STUB1: variants seen among roughly 807,000 people sequenced by gnomAD.
STUB1 encodes the protein E3 ubiquitin-protein ligase CHIP.
A neutral mutation model predicts 40.3 loss-of-function variants in STUB1; 37 were observed. The ratio of observed to expected loss-of-function variants is 0.92; its 90% CI spans 0.71 to 1.21. The LOEUF (loss-of-function observed/expected upper bound fraction) is 1.21, where lower values mean the gene tolerates loss of function less well. STUB1 is among the 50% of genes most tolerant of loss of function. The pLI is 0.00. For synonymous variants in STUB1, 246 were observed against 171.9 expected (o/e 1.43, Z -3.37); for missense variants, 460 against 421.9 (o/e 1.09, Z -0.79).
At chr16:681,730 G>C (rs1271278618) in intron 3 of STUB1, 63 bp from the exon 4 acceptor site, 1 of 1,554,154 alleles carries the variant, frequency 6.4e-7, no homozygotes, top group African/African-American at 1.4e-5. Flanking sequence ...TTAGCTCTGA[G>C]ATTGGGGTGT....
chr16:682,266 C>A lies in STUB1; in HGVS notation c.771C>A (p.Ile257=). 3 of 1,602,634 alleles carry A rather than the reference C, an allele frequency of 1.9e-6. No homozygotes were observed. The highest frequency in any genetic ancestry group is 2.5e-6 in the Non-Finnish European group (3 of 1,178,260). ...PSGITYDRKD[I]EEHLQRVGHF... is the part of the protein sequence containing the mutation. ...GCATCACCTACGACCGCAAGGACAT[C>A]GAGGAGCACCTGCAGGTGAGGCCTG... Residue 257 remains isoleucine, a synonymous_variant, in exon 6 of 7, where the codon ATC becomes ATA. Coordinates refer to ENST00000219548, the MANE Select transcript of STUB1 (RefSeq NM_005861.4).
intron 1 of STUB1, 136 bp from the exon 2 acceptor site, chr16:681,016 G>A (rs1310566707): frequency 3.3e-6 from 3 of 898,892 alleles, no homozygotes; most frequent in Admixed American, 2.7e-5. Context: ...ACAGATCCTT[G>A]GACCCAGGGG....
chr16:680,815 T>C lies in STUB1; in HGVS notation c.159+131T>C. 1.1e-6 allele frequency: 1 copy of C among 937,956 alleles called. No individual in the cohort carries two copies. Among genetic ancestry groups the C allele is most frequent in the Non-Finnish European group, 1.4e-6 (1 of 734,832 alleles). The allele number at this position is 937,956 out of a possible 1,614,324, so 58.1% of individuals were successfully genotyped here. On this transcript the variant is annotated intron_variant, in intron 1 of 6. Coordinates refer to ENST00000219548, the MANE Select transcript of STUB1 (RefSeq NM_005861.4). The surrounding 1 kb of genome is among the most constrained non-coding windows in gnomAD (Gnocchi z 4.9). The stretch of plus-strand genomic sequence containing the variant: ...TCGGCTCCCAAAGCCCAGCCGTGGT[T>C]CTCGAGCCCAGCGCCGGGTGCCGGA...
In STUB1 at chr16:682,638, T is replaced by C; in HGVS notation, c.*149T>C. On this transcript the variant is annotated 3_prime_UTR_variant, in exon 7 of 7. Transcript: ENST00000219548. The stretch of plus-strand genomic sequence containing the variant: ...GGACTGTTTCCCCTCTCAGCATCGC[T>C]TTTGCTGGGCCGTGATCGTCCCCCT... 1 of 1,430,980 alleles carries C rather than the reference T, an allele frequency of 7.0e-7. No homozygotes were observed. Among genetic ancestry groups the C allele is most frequent in the South Asian group, 1.3e-5 (1 of 76,404 alleles). 88.6% of individuals were successfully genotyped at this position (1,430,980 alleles called of 1,614,324 possible). A position where few individuals can be genotyped will look rare whatever the true frequency, so the allele number is the denominator to read the frequency against.
In STUB1 at chr16:682,737, G is replaced by GT; in HGVS notation, c.*249dup. 1.3e-6 allele frequency: 2 copies of GT among 1,578,906 alleles called. No individual in the cohort carries two copies. Among genetic ancestry groups the GT allele is most frequent in the Non-Finnish European group, 1.7e-6 (2 of 1,153,576 alleles). On this transcript the variant is annotated 3_prime_UTR_variant, in exon 7 of 7. Coordinates refer to ENST00000219548, the MANE Select transcript of STUB1 (RefSeq NM_005861.4). ...CGCCACTATCTGTGTAATAAAATCC[G>GT]TGAGCACGAGGTGGGACGTGCTGGT... is the stretch of plus-strand genomic sequence containing the variant.
chr16:680,474 G>A lies in STUB1; in HGVS notation c.-52G>A. On this transcript the variant is annotated 5_prime_UTR_variant, in exon 1 of 7. Transcript: ENST00000219548. The surrounding 1 kb of genome is among the most constrained non-coding windows in gnomAD (Gnocchi z 4.9). ...GCGGGGCTCCGGCTGCGGGCGCTGG[G>A]CCGCGAGGCGCGGAGCTTGGGAGCG... 8.5e-7 allele frequency: 1 copy of A among 1,179,750 alleles called. No homozygotes were observed. The highest frequency in any genetic ancestry group is 1.6e-5 in the African/African-American group (1 of 62,216). The allele number at this position is 1,179,750 out of a possible 1,614,324, so 73.1% of individuals were successfully genotyped here.
Position 682,212 on chromosome 16 carries a change from G to A in STUB1, c.717G>A (p.Leu239=). 5 of 1,612,948 alleles carry A rather than the reference G, an allele frequency of 3.1e-6. No homozygotes were observed. The highest frequency in any genetic ancestry group is 4.2e-6 in the Non-Finnish European group (5 of 1,179,738). ...DYLCGKISFE[L]MREPCITPSG... is the part of the protein sequence containing the mutation. The stretch of plus-strand genomic sequence containing the variant: ...TGTGTGGCAAGATCAGCTTTGAGCT[G>A]ATGCGGGAGCCGTGCATCACGCCCA... Residue 239 remains leucine (L), a synonymous_variant, in exon 6 of 7, where the codon CTG becomes CTA. Transcript: ENST00000219548.
Position 680,519 on chromosome 16 carries a change from C to T in STUB1, c.-7C>T. The T allele has an allele frequency of 8.0e-7, 1 of 1,250,560 alleles. No homozygotes were observed. The highest frequency in any genetic ancestry group is 2.7e-5 in the South Asian group (1 of 37,214). 77.5% of individuals were successfully genotyped at this position (1,250,560 alleles called of 1,614,324 possible). ...GGAGCGGAGCCCAGGCCGTGCCGCG[C>T]GGCGCCATGAAGGGCAAGGAGGAGA... On this transcript the variant is annotated 5_prime_UTR_variant, in exon 1 of 7. Coordinates refer to ENST00000219548, the MANE Select transcript of STUB1 (RefSeq NM_005861.4). This position sits in a 1 kb window ranked among gnomAD's most constrained non-coding sequence, Gnocchi z 4.9.
At chr16:682,107 G>A (rs767494719) in intron 5 of STUB1, 31 bp downstream of exon 5, 1 of 1,582,858 alleles carries the variant, frequency 6.3e-7, no homozygotes, top group Non-Finnish European at 8.6e-7. Context: ...GCCGATGGCT[G>A]GCAGGTGCTC....
chr16:682,192 G>T lies in STUB1; in HGVS notation c.697G>T (p.Gly233Cys). Residue 233 changes from glycine (G) to cysteine (C), a missense_variant, in exon 6 of 7, where the codon GGC becomes TGC. Transcript: ENST00000219548. Reference protein sequence around the residue: ...KKRDIPDYLCGKISFELMREP... With the variant: ...KKRDIPDYLCCKISFELMREP... ...GCGAGACATCCCCGACTACCTGTGT[G>T]GCAAGATCAGCTTTGAGCTGATGCG... The T allele has an allele frequency of 6.2e-7, 1 of 1,610,738 alleles. No homozygotes were observed. The highest frequency in any genetic ancestry group is 1.1e-5 in the South Asian group (1 of 91,048).
chr16:680,751 G>A lies in STUB1; in HGVS notation c.159+67G>A. ...GGGAGGGCCGGGCCCGGGCCCGGCCGGCCCCACCGAGGGTCTGGCTCCTCT... is the reference window on the plus strand; with the variant it reads ...GGGAGGGCCGGGCCCGGGCCCGGCCAGCCCCACCGAGGGTCTGGCTCCTCT... On this transcript the variant is annotated intron_variant, in intron 1 of 6. Coordinates refer to ENST00000219548, the MANE Select transcript of STUB1 (RefSeq NM_005861.4). This position sits in a 1 kb window ranked among gnomAD's most constrained non-coding sequence, Gnocchi z 4.9. 4.3e-6 allele frequency: 5 copies of A among 1,154,122 alleles called. No individual in the cohort carries two copies. The highest frequency in any genetic ancestry group is 5.4e-6 in the Non-Finnish European group (5 of 930,752). The allele number at this position is 1,154,122 out of a possible 1,614,324, so 71.5% of individuals were successfully genotyped here.
rs375727842 is a variant in STUB1, at chr16:680,668, G to A, written c.143G>A (p.Cys48Tyr). The change falls in exon 1 of 7, where the codon TGC becomes TAC. Residue 48 changes from cysteine to tyrosine, a missense_variant. By Grantham distance (194) the Cys-to-Tyr change is radical. Coordinates refer to ENST00000219548, the MANE Select transcript of STUB1 (RefSeq NM_005861.4). The surrounding 1 kb of genome is among the most constrained non-coding windows in gnomAD (Gnocchi z 4.9). ...CGAAAGTACCCGGAGGCGGCGGCCT[G>A]CTACGGCCGCGCGATCGTGAGTGCG... Reference protein sequence around the residue: ...VGRKYPEAAACYGRAITRNPL... With the variant: ...VGRKYPEAAAYYGRAITRNPL... 7.5e-5 allele frequency: 97 copies of A among 1,287,426 alleles called. No individual in the cohort carries two copies. The Middle Eastern group carries it at 2.9e-3, about 39-fold the overall frequency. The allele number at this position is 1,287,426 out of a possible 1,614,324, so 79.8% of individuals were successfully genotyped here. A position where few individuals can be genotyped will look rare whatever the true frequency, so the allele number is the denominator to read the frequency against.
In STUB1 at chr16:681,142, T is replaced by TGGTCCCTAGACCCG; in HGVS notation, c.160-8_165dup. ...CGCCCTCATGCGGCTGGCCCGGCCT[T>TGGTCCCTAGACCCG]GGTCCCTAGACCCGGAACCCGCTGG... On this transcript the variant is annotated splice_polypyrimidine_tract_variant and intron_variant, in intron 1 of 6. Coordinates refer to ENST00000219548, the MANE Select transcript of STUB1 (RefSeq NM_005861.4). 6.4e-7 allele frequency: 1 copy of TGGTCCCTAGACCCG among 1,550,394 alleles called. No homozygotes were observed. The highest frequency in any genetic ancestry group is 8.7e-7 in the Non-Finnish European group (1 of 1,146,836).
chr16:682,109 C>T, intron 5 of STUB1, 33 bp downstream of exon 5: 1 of 1,582,410 alleles, frequency 6.3e-7, no homozygotes. Flanking sequence ...CGATGGCTGG[C>T]AGGTGCTCGT....
rs1017204634 is a variant in STUB1, at chr16:681,570, A to C, written c.491A>C (p.Tyr164Ser). Residue 164 changes from tyrosine to serine, a missense_variant, in exon 3 of 7, where the codon TAC becomes TCC. Physicochemically the swap from Tyr to Ser is moderately radical, Grantham distance 144. Transcript: ENST00000219548. Reference protein sequence around the residue: ...RIHQESELHSYLSRLIAAERE... With the variant: ...RIHQESELHSSLSRLIAAERE... ...CACCAGGAGAGCGAGCTGCACTCCT[A>C]CCTCTCCAGGCTCATTGCCGCGGAG... 1.2e-6 allele frequency: 2 copies of C among 1,611,124 alleles called. No homozygotes were observed. Among genetic ancestry groups the C allele is most frequent in the African/African-American group, 1.3e-5 (1 of 74,894 alleles).
chr16:681,986 G>A (rs983222569), intron 4 of STUB1, 34 bp from the exon 5 acceptor site: 2 of 1,612,196 alleles, frequency 1.2e-6, no homozygotes, highest in African/African-American at 2.7e-5. Flanking sequence ...GAGGTGGGGT[G>A]TCTCCCCCAA....
In STUB1 at chr16:680,966, T is replaced by G; in HGVS notation, c.160-186T>G. On this transcript the variant is annotated intron_variant, in intron 1 of 6. Transcript: ENST00000219548. The surrounding 1 kb of genome is among the most constrained non-coding windows in gnomAD (Gnocchi z 4.9). ...ATTTGGAAAACTTTACAAAACCAAG[T>G]GGAATCAAGCGGATAGGCTCAGCCA... The G allele has an allele frequency of 1.4e-6, 1 of 711,142 alleles. No individual in the cohort carries two copies. Among genetic ancestry groups the G allele is most frequent in the South Asian group, 2.0e-5 (1 of 49,940 alleles). 44.1% of individuals were successfully genotyped at this position (711,142 alleles called of 1,614,324 possible).
Position 681,457 on chromosome 16 carries a change from G to C in STUB1, c.378G>C (p.Glu126Asp), listed in dbSNP as rs759321996. The change falls in exon 3 of 7, where the codon GAG (glutamate) becomes GAC (aspartate). Residue 126 changes from glutamate to aspartate, a missense_variant. Coordinates refer to ENST00000219548, the MANE Select transcript of STUB1 (RefSeq NM_005861.4). ...CCCCAGCTTACAGCCTGGCCAAGGA[G>C]CAGCGGCTGAACTTCGGGGACGACA... ...NLQRAYSLAK[E>D]QRLNFGDDIP... 6.2e-7 allele frequency: 1 copy of C among 1,612,450 alleles called. No individual in the cohort carries two copies. Among genetic ancestry groups the C allele is most frequent in the African/African-American group, 1.3e-5 (1 of 74,952 alleles).
In STUB1 at chr16:682,797, G is replaced by T. The variant is rs947927712; in HGVS notation, c.*308G>T. 3 of 1,612,854 alleles carry T rather than the reference G, an allele frequency of 1.9e-6. No individual in the cohort carries two copies. In the South Asian group the frequency reaches 3.3e-5, roughly 18 times the overall value. On this transcript the variant is annotated 3_prime_UTR_variant, in exon 7 of 7. Transcript: ENST00000219548. ...GCAGTCCTGCCAGCTGTTTTGGCTA[G>T]CCGAGGAAGGTGGAGATGAAGACGC...
Sources: allele counts gnomAD v4.1 joint callset, GRCh38; gene constraint gnomAD v4.1.1; non-coding constraint Gnocchi (gnomAD v3.1); transcripts MANE v1.5; gene names NCBI Gene and HGNC (gene_info 2026-07-23, HGNC 2026-07-21).